ENTHD1: variants seen among roughly 807,000 people sequenced by gnomAD.
ENTHD1 encodes ENTH domain-containing protein 1.
ENTHD1 carries 23 observed loss-of-function variants against 39.1 expected under a neutral mutation model. That is an observed-to-expected ratio of 0.59 (90% CI 0.42 to 0.83). The LOEUF (loss-of-function observed/expected upper bound fraction) is 0.83. ENTHD1 is among the 40% of genes least tolerant of loss of function. The pLI, the probability that ENTHD1 is intolerant of heterozygous loss-of-function variation, is 0.00. For missense variants in ENTHD1, 624 were observed against 705.4 expected, an observed-to-expected ratio of 0.88 and a Z score of 1.31; for synonymous variants, 230 against 258.2, an observed-to-expected ratio of 0.89 and a Z score of 1.05.
intron 6 of ENTHD1, among the ~76,000 whole-genome samples, chr22:39,752,878 G>A (rs2065157943): frequency 6.6e-6 from 1 of 152,206 alleles, no homozygotes; most frequent in African/African-American, 2.4e-5. Flanking sequence ...CAGTAACTCA[G>A]GCTTTGCCAA....
At chr22:39,767,583 C>A (rs1342224486) in intron 5 of ENTHD1, among the ~76,000 whole-genome samples, 2 of 152,148 alleles carry the variant, frequency 1.3e-5, no homozygotes, top group African/African-American at 2.4e-5. Context: ...TCAAATCATT[C>A]ATTAAAAGTG....
chr22:39,808,921 AG>A (rs933717204), intron 5 of ENTHD1, among the ~76,000 whole-genome samples: 28 of 152,178 alleles, frequency 1.8e-4, no homozygotes, highest in Admixed American at 3.9e-4. Context: ...ATATTTTTAA[AG>A]TAAAAAAGAG....
At position 39,867,324 on chromosome 22, in the gene ENTHD1, A is replaced by G. The variant is rs570707703; in HGVS notation, c.350-5317T>C. 1.3e-5 allele frequency among the ~76,000 whole-genome samples: 2 copies of G among 152,310 alleles called. No homozygotes were observed. The highest frequency in any genetic ancestry group is 4.1e-4 in the South Asian group (2 of 4,822). The stretch of plus-strand genomic sequence containing the variant: ...AAAATATGTATCAGAAGATCTTTAT[A>G]CTAAAACACGTGCTAGGCTTCAAAC... On this transcript the variant is annotated intron_variant, in intron 2 of 6. Transcript: ENST00000325157. The surrounding 1 kb of genome is among the most constrained non-coding windows in gnomAD (Gnocchi z 4.5).
At chr22:39,846,547 G>A (rs1053660889) in intron 3 of ENTHD1, among the ~76,000 whole-genome samples, 4 of 152,242 alleles carry the variant, frequency 2.6e-5, no homozygotes, top group African/African-American at 4.8e-5. Context: ...TGTTTTAGAT[G>A]TGAAGTCCTT....
chr22:39,831,464 C>T (rs1014990617), intron 4 of ENTHD1, among the ~76,000 whole-genome samples: 1 of 152,094 alleles, frequency 6.6e-6, no homozygotes, highest in Non-Finnish European at 1.5e-5. Flanking sequence ...TCAAGATGAG[C>T]TTATAATCCA....
chr22:39,747,945 T>G (rs1415549956), intron 6 of ENTHD1, among the ~76,000 whole-genome samples: 1 of 152,090 alleles, frequency 6.6e-6, no homozygotes, highest in Non-Finnish European at 1.5e-5. Flanking sequence ...ACTTATCTAT[T>G]CTTGATGAGA....
chr22:39,873,459 A>C (rs1353183424), intron 2 of ENTHD1, among the ~76,000 whole-genome samples: 1 of 152,176 alleles, frequency 6.6e-6, no homozygotes, highest in Non-Finnish European at 1.5e-5. Context: ...TATTTTTAAG[A>C]CTCAACTAGG....
At chr22:39,814,718 A>T (rs2065720295) in intron 5 of ENTHD1, among the ~76,000 whole-genome samples, 1 of 152,204 alleles carries the variant, frequency 6.6e-6, no homozygotes, top group African/African-American at 2.4e-5. Flanking sequence ...TTAGAAGTAA[A>T]ATTGGACTTC....
At chr22:39,749,225 C>T (rs2065129971) in intron 6 of ENTHD1, among the ~76,000 whole-genome samples, 1 of 152,218 alleles carries the variant, frequency 6.6e-6, no homozygotes, top group African/African-American at 2.4e-5. Context: ...TTCTCCTGCC[C>T]AGGCTCACTA....
At chr22:39,792,389 C>A (rs1447432199) in intron 5 of ENTHD1, among the ~76,000 whole-genome samples, 1 of 152,152 alleles carries the variant, frequency 6.6e-6, no homozygotes, top group African/African-American at 2.4e-5. Context: ...CAAATTTACT[C>A]CTCCCTCCTC....
intron 4 of ENTHD1, among the ~76,000 whole-genome samples, chr22:39,827,019 T>TC (rs2065832407): frequency 6.7e-6 from 1 of 149,960 alleles, no homozygotes; most frequent in African/African-American, 2.5e-5. Context: ...AACTAATTTT[T>TC]TTTTTTTTTT....
intron 2 of ENTHD1, among the ~76,000 whole-genome samples, chr22:39,881,331 G>A (rs1307732085): frequency 1.3e-5 from 2 of 152,100 alleles, no homozygotes; most frequent in Non-Finnish European, 2.9e-5. Flanking sequence ...GAAACACAGG[G>A]AAAATCATGA....
chr22:39,869,237 G>C (rs2066216586), intron 2 of ENTHD1, among the ~76,000 whole-genome samples: 1 of 152,182 alleles, frequency 6.6e-6, no homozygotes, highest in African/African-American at 2.4e-5. Context: ...ATGGTGGATT[G>C]AATGAAGAGA....
At chr22:39,826,397 T>A (rs2065826956) in intron 4 of ENTHD1, among the ~76,000 whole-genome samples, 1 of 152,160 alleles carries the variant, frequency 6.6e-6, no homozygotes, top group Non-Finnish European at 1.5e-5. Flanking sequence ...GTATCATTCC[T>A]TTTTCTCTGT....
chr22:39,779,334 C>G (rs1348472109), intron 5 of ENTHD1, among the ~76,000 whole-genome samples: 1 of 152,042 alleles, frequency 6.6e-6, no homozygotes, highest in Non-Finnish European at 1.5e-5. Flanking sequence ...GAGCAAGACT[C>G]TGTCTCAAAA....
chr22:39,765,734 C>T (rs926641375), intron 5 of ENTHD1, 125 bp from the exon 6 acceptor site: 2 of 965,320 alleles, frequency 2.1e-6, no homozygotes, highest in Admixed American at 2.9e-5. Context: ...CTATTTAGCC[C>T]TCTGCTTTCT....
At chr22:39,803,060 C>T (rs2065611521) in intron 5 of ENTHD1, among the ~76,000 whole-genome samples, 1 of 152,162 alleles carries the variant, frequency 6.6e-6, no homozygotes, top group African/African-American at 2.4e-5. Flanking sequence ...TAAATAAATA[C>T]AAATCAGATT....
At chr22:39,865,564 T>A (rs1265626415) in intron 2 of ENTHD1, among the ~76,000 whole-genome samples, 1 of 152,192 alleles carries the variant, frequency 6.6e-6, no homozygotes, top group African/African-American at 2.4e-5. Context: ...CAAAGAATAG[T>A]ACTGGAAGTA....
At chr22:39,892,750 A>G (rs2146790857) in intron 1 of ENTHD1, among the ~76,000 whole-genome samples, 1 of 152,312 alleles carries the variant, frequency 6.6e-6, no homozygotes, top group Admixed American at 6.5e-5. Flanking sequence ...GAACTATGAG[A>G]AAAGAACAGC....
Sources: allele counts gnomAD v4.1 joint callset (sites outside exome capture counted in the v4.1 genomes callset), GRCh38; gene constraint gnomAD v4.1.1; non-coding constraint Gnocchi (gnomAD v3.1); transcripts MANE v1.5; gene names NCBI Gene and HGNC (gene_info 2026-07-23, HGNC 2026-07-21).